The following CLTRN variants were observed in gnomAD, a reference collection of about 807,000 sequenced individuals.
CLTRN encodes collectrin, amino acid transport regulator.
Under a neutral mutation model 14.5 loss-of-function variants are expected in CLTRN, and 12 were observed. The ratio of observed to expected loss-of-function variants is 0.83; its 90% confidence interval spans 0.53 to 1.34. CLTRN has a LOEUF of 1.34. Ranked by LOEUF, CLTRN falls within the 40% of genes most tolerant of loss-of-function variation. CLTRN has a pLI of 0.00. For synonymous variants in CLTRN, 58 were observed against 56.5 expected, an observed-to-expected ratio of 1.03 and a Z score of -0.12; for missense variants, 154 against 165.1, an observed-to-expected ratio of 0.93 and a Z score of 0.37.
At chrX:15,654,492 T>G (rs1017202141) in intron 3 of CLTRN, among the ~76,000 whole-genome samples, 4 of 112,286 alleles carry the variant, frequency 3.6e-5, no homozygotes, top group Middle Eastern at 4.2e-3. Flanking sequence ...AAATCTGGCC[T>G]AAATCATATT....
At position 15,628,107 on chromosome X, in the gene CLTRN, T is replaced by C; in HGVS notation, c.533A>G (p.Glu178Gly). Reference sequence around the variant, plus strand: ...ACACTTATCTTCAGCGTCATCCACTTCAGATGGTTCTTTGTTCTTTCTAAA... The same window carrying C: ...ACACTTATCTTCAGCGTCATCCACTCCAGATGGTTCTTTGTTCTTTCTAAA... ...QRRRKNKEPS[E>G]VDDAEDKCEN... is the part of the protein sequence containing the mutation. The change falls in exon 6 of 6, where the codon GAA (glutamate) becomes GGA (glycine). Residue 178 changes from glutamate to glycine, a missense_variant. Glu to Gly is a moderately conservative substitution (Grantham distance 98). Coordinates refer to ENST00000380342, the MANE Select transcript of CLTRN (RefSeq NM_020665.6). 1 of 1,111,635 alleles carries C rather than the reference T, an allele frequency of 9.0e-7. No individual in the cohort carries two copies. The highest frequency in any genetic ancestry group is 1.2e-6 in the Non-Finnish European group (1 of 841,908). The allele number at this position is 1,111,635 out of a possible 1,213,427, so 91.6% of individuals were successfully genotyped here.
At chrX:15,634,726 T>G (rs2147196582) in intron 5 of CLTRN, among the ~76,000 whole-genome samples, 1 of 91,310 alleles carries the variant, frequency 1.1e-5, no homozygotes, top group South Asian at 5.4e-4. Context: ...AGGTGGGAAC[T>G]GAACAATGAG....
intron 5 of CLTRN, among the ~76,000 whole-genome samples, chrX:15,632,120 T>C (rs1266488374): frequency 1.8e-5 from 2 of 111,482 alleles, no homozygotes. Context: ...ATATCTCTCA[T>C]ATACCTCATA....
intron 5 of CLTRN, among the ~76,000 whole-genome samples, chrX:15,633,442 AG>A (rs1234998988): frequency 1.8e-5 from 2 of 112,642 alleles, no homozygotes; most frequent in African/African-American, 3.2e-5. Context: ...GACTGGTGAA[AG>A]GAGTTGACCT....
chrX:15,654,974 G>A (rs1022686498), intron 3 of CLTRN, among the ~76,000 whole-genome samples: 4 of 112,265 alleles, frequency 3.6e-5, no homozygotes, highest in African/African-American at 1.3e-4. Context: ...CTTCTTCCTC[G>A]CCTCTTGACA....
chrX:15,659,191 TCCAC>T, intron 2 of CLTRN, 90 bp from the exon 3 acceptor site: 1 of 349,409 alleles, frequency 2.9e-6, no homozygotes, highest in East Asian at 5.7e-5. Flanking sequence ...TCTCTCTCTC[TCCAC>T]ACACACACAC....
intron 4 of CLTRN, among the ~76,000 whole-genome samples, chrX:15,643,142 C>G (rs1443608574): frequency 9.0e-6 from 1 of 111,716 alleles, no homozygotes; most frequent in African/African-American, 3.3e-5. Context: ...TTATTAAATG[C>G]CACAGATGCA....
At chrX:15,634,870 A>G (rs947252285) in intron 5 of CLTRN, among the ~76,000 whole-genome samples, 3 of 107,357 alleles carry the variant, frequency 2.8e-5, no homozygotes, top group African/African-American at 1.0e-4. Flanking sequence ...CCAGCATGGC[A>G]CATGTATACA....
chrX:15,628,139 TA>T lies in CLTRN; in HGVS notation c.513-13del. On this transcript the variant is annotated splice_polypyrimidine_tract_variant and intron_variant, in intron 5 of 5. Transcript: ENST00000380342. ...GTTCTTTGTTCTTTCTAAAAGCACA[TA>T]AAAAAGAGTGATTGGCATCTAGAAG... 2 of 1,041,186 alleles carry T rather than the reference TA, an allele frequency of 1.9e-6. No individual in the cohort carries two copies. Among genetic ancestry groups the T allele is most frequent in the Non-Finnish European group, 1.2e-6 (1 of 801,597 alleles). The allele number at this position is 1,041,186 out of a possible 1,213,427, so 85.8% of individuals were successfully genotyped here.
intron 3 of CLTRN, among the ~76,000 whole-genome samples, chrX:15,658,612 A>T (rs1929427890): frequency 9.0e-6 from 1 of 111,485 alleles, no homozygotes; most frequent in Non-Finnish European, 1.9e-5. Context: ...AAAATAAACA[A>T]GGTACTATGA....
chrX:15,634,699 C>T (rs1027192503), intron 5 of CLTRN, among the ~76,000 whole-genome samples: 4 of 102,022 alleles, frequency 3.9e-5, no homozygotes, highest in East Asian at 6.3e-4. Context: ...AATCAAACAC[C>T]GCATATTCTC....
At chrX:15,660,024 A>G (rs943273883) in intron 2 of CLTRN, among the ~76,000 whole-genome samples, 3 of 111,806 alleles carry the variant, frequency 2.7e-5, no homozygotes, top group Non-Finnish European at 5.6e-5. Flanking sequence ...GAGGGTAGCA[A>G]CTAAAGAGAA....
intron 5 of CLTRN, among the ~76,000 whole-genome samples, chrX:15,635,138 T>C (rs1569249012): frequency 9.0e-6 from 1 of 111,019 alleles, no homozygotes; most frequent in East Asian, 2.8e-4. Context: ...TTTCAAGGGC[T>C]GATTGCTAAA....
chrX:15,655,045 G>A (rs1156634761), intron 3 of CLTRN, among the ~76,000 whole-genome samples: 1 of 112,170 alleles, frequency 8.9e-6, no homozygotes, highest in Non-Finnish European at 1.9e-5. Context: ...ATCCAGGCCA[G>A]TCTAACCAAA....
chrX:15,644,565 A>G (rs1929015940), intron 4 of CLTRN, among the ~76,000 whole-genome samples: 1 of 111,800 alleles, frequency 8.9e-6, no homozygotes, highest in African/African-American at 3.3e-5. Flanking sequence ...ATCTTTTTAA[A>G]GTAAAGACTA....
intron 4 of CLTRN, among the ~76,000 whole-genome samples, chrX:15,642,030 G>T (rs1928956002): frequency 8.9e-6 from 1 of 112,214 alleles, no homozygotes; most frequent in South Asian, 3.7e-4. Context: ...ATTTTATTTT[G>T]TCATAACCTA....
chrX:15,653,815 C>A (rs112442923), intron 3 of CLTRN, among the ~76,000 whole-genome samples: 2,136 of 112,217 alleles, frequency 0.019, 44 homozygotes, highest in African/African-American at 0.064. Flanking sequence ...AAGCCAAACC[C>A]AAAAACAATG....
intron 5 of CLTRN, among the ~76,000 whole-genome samples, chrX:15,634,942 A>AAAATAAATAAATAAAT (rs200118112): frequency 1.5e-4 from 16 of 107,230 alleles, no homozygotes; most frequent in African/African-American, 5.5e-4. Flanking sequence ...ATAATAATAA[A>AAAATAAATAAATAAAT]AAATAAATAA....
chrX:15,628,900 A>G (rs1261007067), intron 5 of CLTRN, among the ~76,000 whole-genome samples: 1 of 112,168 alleles, frequency 8.9e-6, no homozygotes, highest in Non-Finnish European at 1.9e-5. Flanking sequence ...TAATATGCAG[A>G]TCTGTAATAT....
Sources: allele counts gnomAD v4.1 joint callset (sites outside exome capture counted in the v4.1 genomes callset), GRCh38; gene constraint gnomAD v4.1.1; transcripts MANE v1.5; gene names NCBI Gene and HGNC (gene_info 2026-07-23, HGNC 2026-07-21).